The following CADM2 variants were observed in gnomAD, a reference collection of about 807,000 sequenced individuals.
CADM2 encodes immunoglobulin superfamily member 4D.
CADM2 carries 12 observed loss-of-function variants against 49.8 expected under a neutral mutation model. The ratio of observed to expected loss-of-function variants is 0.24; its 90% CI spans 0.15 to 0.39. The LOEUF (loss-of-function observed/expected upper bound fraction) is 0.39. Ranked by LOEUF, CADM2 falls within the 10% of genes least tolerant of loss-of-function variation. The pLI, the probability that CADM2 is intolerant of heterozygous loss-of-function variation, is 1.00. For missense variants in CADM2, 378 were observed against 492.3 expected, an observed-to-expected ratio of 0.77 and a Z score of 2.20; for synonymous variants, 214 against 175.4, an observed-to-expected ratio of 1.22 and a Z score of -1.74.
chr3:86,001,455 A>C (rs1730183641), intron 8 of CADM2, among the ~76,000 whole-genome samples: 1 of 110,012 alleles, frequency 9.1e-6, no homozygotes, highest in Non-Finnish European at 2.1e-5. Context: ...TTATTTTTAC[A>C]GTTCCCAGTA....
intron 1 of CADM2, among the ~76,000 whole-genome samples, chr3:85,589,985 A>G (rs1163071059): frequency 1.3e-5 from 2 of 152,038 alleles, no homozygotes; most frequent in Non-Finnish European, 2.9e-5. Flanking sequence ...AAAAAGAAAC[A>G]GATATACAGT....
In CADM2 at chr3:85,427,175, TA is replaced by T. The variant is rs1292017825; in HGVS notation, c.62-299346del. Among the ~76,000 whole-genome samples the T allele has an allele frequency of 1.0e-3, 41 of 40,974 alleles. 1 individual carries two copies. The highest frequency in any genetic ancestry group is 1.5e-3 in the African/African-American group (38 of 25,984). The allele number at this position is 40,974 out of a possible 152,430, so 26.9% of individuals were successfully genotyped here. A position where few individuals can be genotyped will look rare whatever the true frequency, so the allele number is the denominator to read the frequency against. On this transcript the variant is annotated intron_variant, in intron 1 of 9. Transcript: ENST00000383699. ...TGTATTGGAACTATATATATATATA[TA>T]TATATATATATATATATATATATAT...
chr3:85,125,069 A>C (rs2038984114), intron 1 of CADM2, among the ~76,000 whole-genome samples: 1 of 152,214 alleles, frequency 6.6e-6, no homozygotes, highest in Non-Finnish European at 1.5e-5. Flanking sequence ...AAATTTAATC[A>C]GCAGAGGGAA....
chr3:85,769,235 T>TACATATATAGTATATATAC (rs1182930659), intron 2 of CADM2, among the ~76,000 whole-genome samples: 45 of 121,968 alleles, frequency 3.7e-4, no homozygotes, highest in South Asian at 4.7e-4. Flanking sequence ...TACACACATA[T>TACATATATAGTATATATAC]ACACATATAT....
chr3:85,856,599 G>A (rs562054674), intron 3 of CADM2, among the ~76,000 whole-genome samples: 5 of 152,240 alleles, frequency 3.3e-5, no homozygotes, highest in East Asian at 1.9e-4. Flanking sequence ...AGGATTACAG[G>A]CATCAATATA....
intron 1 of CADM2, among the ~76,000 whole-genome samples, chr3:85,220,540 G>T (rs902580754): frequency 6.6e-6 from 1 of 152,048 alleles, no homozygotes; most frequent in East Asian, 1.9e-4. Flanking sequence ...AACATCTAGG[G>T]CTTATGTTTG....
At chr3:85,797,253 G>T (rs1355396774) in intron 2 of CADM2, among the ~76,000 whole-genome samples, 1 of 151,992 alleles carries the variant, frequency 6.6e-6, no homozygotes, top group Non-Finnish European at 1.5e-5. Context: ...CTGAGTTTTA[G>T]AACTTTATAA....
intron 1 of CADM2, among the ~76,000 whole-genome samples, chr3:85,631,057 CA>C (rs1054852085): frequency 9.2e-5 from 14 of 151,986 alleles, no homozygotes; most frequent in Admixed American, 7.2e-4. Context: ...TTTTATTCCT[CA>C]AAAACATCAA....
rs1703386347 is a variant in CADM2 at position 86,073,401 on chromosome 3, C to T, written c.*6618C>T. On this transcript the variant is annotated 3_prime_UTR_variant, in exon 10 of 10. Transcript: ENST00000383699. ...GAGAAACACAGTTATTGAATCTACT[C>T]TTGTCATTAACATTTTCAAAAAACA... 6.6e-6 allele frequency: 1 copy of T among 152,010 alleles called. No individual in the cohort carries two copies. Among genetic ancestry groups the T allele is most frequent in the South Asian group, 2.1e-4 (1 of 4,832 alleles). 9.4% of individuals were successfully genotyped at this position (152,010 alleles called of 1,614,324 possible). A position where few individuals can be genotyped will look rare whatever the true frequency, so the allele number is the denominator to read the frequency against.
intron 1 of CADM2, among the ~76,000 whole-genome samples, chr3:85,317,070 T>TA (rs2044482465): frequency 6.6e-6 from 1 of 152,052 alleles, no homozygotes; most frequent in Admixed American, 6.6e-5. Flanking sequence ...TGGCAAGAAA[T>TA]ACACTGTGGT....
In CADM2 at chr3:85,667,473, C is replaced by A. The variant is rs1282948334; in HGVS notation, c.62-59049C>A. Among the ~76,000 whole-genome samples the A allele has an allele frequency of 2.6e-5, 4 of 151,960 alleles. No individual in the cohort carries two copies. The South Asian group carries it at 8.3e-4, about 31-fold the overall frequency. On this transcript the variant is annotated intron_variant, in intron 1 of 9. Coordinates refer to ENST00000383699, the MANE Select transcript of CADM2 (RefSeq NM_001167675.2). ...CATTTCCAGTGCTCAGTTACATTAC[C>A]AGGCTAGTGGTTGCCATATTAGCCA...
intron 1 of CADM2, among the ~76,000 whole-genome samples, chr3:85,398,388 C>G (rs893656120): frequency 3.3e-5 from 5 of 152,120 alleles, no homozygotes; most frequent in Non-Finnish European, 7.3e-5. Flanking sequence ...GTCACATTTT[C>G]TTAATCCAGT....
At chr3:85,599,915 G>GTTAAC (rs2063346487) in intron 1 of CADM2, among the ~76,000 whole-genome samples, 1 of 151,358 alleles carries the variant, frequency 6.6e-6, no homozygotes, top group South Asian at 2.1e-4. Context: ...TATGTACATA[G>GTTAAC]TTAATATTAA....
chr3:85,573,922 ACATATGCAACATGTGAAGCATGTTT>A (rs2062555328), intron 1 of CADM2, among the ~76,000 whole-genome samples: 18 of 152,066 alleles, frequency 1.2e-4, no homozygotes, highest in Admixed American at 1.1e-3. Flanking sequence ...GTAGTAATCT[ACATATGCAACATGTGAAGCATGTTT>A]GAAATTTCAG....
chr3:85,076,879 G>T (rs777630317), intron 1 of CADM2, among the ~76,000 whole-genome samples: 54 of 152,072 alleles, frequency 3.6e-4, no homozygotes, highest in Admixed American at 2.5e-3. Flanking sequence ...GGCTGAGGCA[G>T]GAGAATCGCT....
chr3:85,483,416 GTGTA>G (rs2039291732), intron 1 of CADM2, among the ~76,000 whole-genome samples: 1 of 151,066 alleles, frequency 6.6e-6, no homozygotes. Flanking sequence ...ACATATGCAT[GTGTA>G]TGTATTATAT....
chr3:85,428,799 T>C (rs979919443), intron 1 of CADM2, among the ~76,000 whole-genome samples: 4 of 151,214 alleles, frequency 2.6e-5, no homozygotes, highest in African/African-American at 9.7e-5. Flanking sequence ...ATTATCCATT[T>C]CGTCTTGCAC....
chr3:85,311,798 C>G (rs950461382), intron 1 of CADM2, among the ~76,000 whole-genome samples: 21 of 152,166 alleles, frequency 1.4e-4, no homozygotes, highest in African/African-American at 4.8e-4. Context: ...ATGGCAGATG[C>G]ATAATAGTCT....
chr3:85,410,954 T>G (rs2035628455), intron 1 of CADM2, among the ~76,000 whole-genome samples: 1 of 152,098 alleles, frequency 6.6e-6, no homozygotes, highest in Non-Finnish European at 1.5e-5. Context: ...TAGACAAAAT[T>G]GGGTAGGCCA....
Sources: gnomAD v4.1 joint callset for allele counts (sites outside exome capture counted in the v4.1 genomes callset) on GRCh38, gnomAD v4.1.1 for gene constraint, MANE v1.5 for transcripts, NCBI Gene and HGNC (gene_info 2026-07-23, HGNC 2026-07-21) for gene names.